The following NTM variants were observed in gnomAD, a reference collection of about 807,000 sequenced individuals.
NTM encodes IgLON family member 2.
NTM carries 13 observed loss-of-function variants against 42.1 expected under a neutral mutation model. The observed-to-expected ratio is 0.31, with a 90% CI of 0.20 to 0.49. The LOEUF (loss-of-function observed/expected upper bound fraction) is 0.49. Among genes scored for constraint, NTM ranks in the 20% least tolerant of loss-of-function variants. The probability of loss-of-function intolerance (pLI) is 0.99; values close to 1 mark genes in which losing one functional copy is unlikely to be tolerated. For missense variants in NTM, 373 were observed against 452.8 expected (o/e 0.82, Z 1.60); for synonymous variants, 187 against 179.2 (o/e 1.04, Z -0.35).
intron 1 of NTM, chr11:131,774,210 C>T: frequency 1.4e-6 from 1 of 702,782 alleles, no homozygotes; most frequent in Non-Finnish European, 1.8e-6. Context: ...AGGCTTCTTA[C>T]CCCTCAGGCA....
At chr11:132,025,518 C>T (rs961071079) in intron 2 of NTM, among the ~76,000 whole-genome samples, 10 of 152,242 alleles carry the variant, frequency 6.6e-5, no homozygotes, top group African/African-American at 1.7e-4. Flanking sequence ...ACCCATTGTA[C>T]GAGAAATTCT....
chr11:131,998,954 C>T (rs537088702), intron 2 of NTM, among the ~76,000 whole-genome samples: 16 of 152,210 alleles, frequency 1.1e-4, no homozygotes, highest in East Asian at 3.9e-4. Flanking sequence ...ACCAGTCTGG[C>T]GGATTTCCAA....
intron 2 of NTM, among the ~76,000 whole-genome samples, chr11:132,064,476 G>A (rs535141652): frequency 6.6e-6 from 1 of 152,228 alleles, no homozygotes; most frequent in African/African-American, 2.4e-5. Flanking sequence ...TTATCCAAAA[G>A]GTACAAGAGT....
chr11:131,391,622 C>A (rs1216789019), intron 1 of NTM, among the ~76,000 whole-genome samples: 6 of 61,214 alleles, frequency 9.8e-5, no homozygotes, highest in Admixed American at 4.6e-4. Flanking sequence ...AATTTGAAAT[C>A]AGTCAAATGA....
intron 4 of NTM, among the ~76,000 whole-genome samples, chr11:132,233,977 G>A (rs1012796634): frequency 3.9e-5 from 6 of 152,104 alleles, no homozygotes; most frequent in African/African-American, 1.2e-4. Context: ...TGCTCCAGTC[G>A]ACAGCTATGG....
At chr11:131,741,677 T>A (rs895140900) in intron 1 of NTM, among the ~76,000 whole-genome samples, 3 of 152,166 alleles carry the variant, frequency 2.0e-5, no homozygotes, top group Non-Finnish European at 4.4e-5. Context: ...GAGGAGAACA[T>A]GAATATATAA....
intron 1 of NTM, among the ~76,000 whole-genome samples, chr11:131,783,842 A>C (rs1035176434): frequency 1.3e-5 from 2 of 152,180 alleles, no homozygotes; most frequent in African/African-American, 4.8e-5. Flanking sequence ...GAAAATGACA[A>C]GATAAGACAC....
chr11:132,302,167 C>A (rs1191701247), intron 4 of NTM, among the ~76,000 whole-genome samples: 1 of 152,150 alleles, frequency 6.6e-6, no homozygotes, highest in Non-Finnish European at 1.5e-5. Context: ...ATCCAGCTTG[C>A]TTCATTTCCC....
intron 3 of NTM, among the ~76,000 whole-genome samples, chr11:132,166,610 G>T (rs1218221369): frequency 6.6e-6 from 1 of 152,174 alleles, no homozygotes; most frequent in Non-Finnish European, 1.5e-5. Flanking sequence ...AGGTAATTTT[G>T]CATTCCTGGA....
intron 1 of NTM, among the ~76,000 whole-genome samples, chr11:131,562,703 G>A (rs1484816465): frequency 1.3e-5 from 2 of 152,208 alleles, no homozygotes; most frequent in East Asian, 3.8e-4. Flanking sequence ...TAACATAGAG[G>A]TTAGATATGC....
chr11:131,373,563 A>G (rs1285323440), intron 1 of NTM, among the ~76,000 whole-genome samples: 1 of 151,704 alleles, frequency 6.6e-6, no homozygotes, highest in Non-Finnish European at 1.5e-5. Flanking sequence ...TGGCCCTAAG[A>G]TACACCAGGG....
chr11:131,429,672 A>T (rs1442495188), intron 1 of NTM, among the ~76,000 whole-genome samples: 2 of 152,188 alleles, frequency 1.3e-5, no homozygotes, highest in African/African-American at 4.8e-5. Flanking sequence ...ATTTGAACAC[A>T]TCCAGCTGGG....
intron 3 of NTM, among the ~76,000 whole-genome samples, chr11:132,186,439 T>C (rs2078410369): frequency 6.6e-6 from 1 of 152,206 alleles, no homozygotes; most frequent in Non-Finnish European, 1.5e-5. Flanking sequence ...CGCAGCCTTC[T>C]CTTTTTAGTT....
intron 4 of NTM, among the ~76,000 whole-genome samples, chr11:132,251,668 C>T (rs184075749): frequency 1.4e-4 from 21 of 152,274 alleles, no homozygotes; most frequent in Admixed American, 2.6e-4. Context: ...TGCGAAATGG[C>T]GGGACCAATA....
intron 2 of NTM, among the ~76,000 whole-genome samples, chr11:131,926,583 G>C (rs1466440964): frequency 6.6e-6 from 1 of 152,134 alleles, no homozygotes; most frequent in Admixed American, 6.5e-5. Flanking sequence ...GGGATCTGGG[G>C]GGTCCTCGGT....
chr11:131,442,987 G>T (rs1223991054), intron 1 of NTM, among the ~76,000 whole-genome samples: 1 of 151,996 alleles, frequency 6.6e-6, no homozygotes, highest in Non-Finnish European at 1.5e-5. Context: ...TTTTCCTTTG[G>T]TAGATGCCCA....
intron 1 of NTM, among the ~76,000 whole-genome samples, chr11:131,463,483 C>T (rs1393874616): frequency 6.6e-6 from 1 of 152,160 alleles, no homozygotes; most frequent in Non-Finnish European, 1.5e-5. Context: ...GCCGCTGGGG[C>T]CCCAGGCTTG....
chr11:131,810,599 C>T (rs2092696230), intron 1 of NTM, among the ~76,000 whole-genome samples: 1 of 152,198 alleles, frequency 6.6e-6, no homozygotes, highest in Non-Finnish European at 1.5e-5. Flanking sequence ...ATTCTTACTA[C>T]TCTGCGTTTT....
At chr11:131,811,676 G>A (rs2092735061) in intron 1 of NTM, among the ~76,000 whole-genome samples, 1 of 152,138 alleles carries the variant, frequency 6.6e-6, no homozygotes, top group Admixed American at 6.5e-5. Flanking sequence ...TCTATGGCAG[G>A]CTTAGAAATG....
Sources: gnomAD v4.1 joint callset for allele counts (sites outside exome capture counted in the v4.1 genomes callset) on GRCh38, gnomAD v4.1.1 for gene constraint, MANE v1.5 for transcripts, NCBI Gene and HGNC (gene_info 2026-07-23, HGNC 2026-07-21) for gene names.